Variants in SLC4A7 observed in about 807,000 individuals in gnomAD.
SLC4A7 encodes the protein sodium bicarbonate cotransporter 3.
SLC4A7 carries 51 observed loss-of-function variants against 137.6 expected under a neutral mutation model. The observed-to-expected ratio is 0.37, with a 90% confidence interval of 0.30 to 0.47. The LOEUF is 0.47. Ranked by LOEUF, SLC4A7 falls within the 20% of genes least tolerant of loss-of-function variation. The probability of loss-of-function intolerance (pLI) is 1.00; values close to 1 mark genes in which losing one functional copy is unlikely to be tolerated. For missense variants in SLC4A7, 1,247 were observed against 1,525.4 expected (o/e 0.82, Z 3.04); for synonymous variants, 542 against 518.6 (o/e 1.05, Z -0.61).
intron 11 of SLC4A7, among the ~76,000 whole-genome samples, chr3:27,412,907 T>A (rs73046191): frequency 0.21 from 32,477 of 151,916 alleles, 3,554 homozygotes; most frequent in Non-Finnish European, 0.25. Flanking sequence ...TTAAACAACT[T>A]CCTCAGAAAA....
At chr3:27,423,780 C>A (rs913812437) in intron 8 of SLC4A7, 1 of 351,790 alleles carries the variant, frequency 2.8e-6, no homozygotes, top group Admixed American at 4.7e-5. Context: ...ATGGAAATAT[C>A]GTATTATTCA....
At chr3:27,391,638 A>G (rs1393237898) in intron 21 of SLC4A7, 102 bp downstream of exon 21, 1 of 702,968 alleles carries the variant, frequency 1.4e-6, no homozygotes, top group Non-Finnish European at 2.4e-6. Flanking sequence ...CTCCCCTCAA[A>G]ATGTCAGAGT....
intron 1 of SLC4A7, among the ~76,000 whole-genome samples, chr3:27,472,821 T>C (rs1440968853): frequency 6.6e-6 from 1 of 152,242 alleles, no homozygotes; most frequent in African/African-American, 2.4e-5. Context: ...GGCTCATGCC[T>C]ATAATCCCAG....
At chr3:27,475,305 T>C (rs1159132812) in intron 1 of SLC4A7, among the ~76,000 whole-genome samples, 1 of 151,200 alleles carries the variant, frequency 6.6e-6, no homozygotes, top group South Asian at 2.1e-4. Context: ...ACATTTAGCA[T>C]TTTATACACA....
chr3:27,440,016 A>G (rs992700282), intron 3 of SLC4A7, among the ~76,000 whole-genome samples: 1 of 152,204 alleles, frequency 6.6e-6, no homozygotes, highest in Admixed American at 6.5e-5. Context: ...ATTGTTAATG[A>G]CATTACTTAG....
intron 6 of SLC4A7, among the ~76,000 whole-genome samples, chr3:27,432,797 G>A (rs189153987): frequency 8.5e-5 from 13 of 152,256 alleles, no homozygotes; most frequent in East Asian, 7.7e-4. Context: ...AACTGCATAC[G>A]AAGAGTAAAG....
chr3:27,420,693 T>C lies in SLC4A7; in HGVS notation c.1512+7A>G, dbSNP rs1485682475. On this transcript the variant is annotated splice_region_variant and intron_variant, in intron 10 of 25. Coordinates refer to ENST00000454389, the MANE Select transcript of SLC4A7 (RefSeq NM_001321103.2). ...TACTTCAAAGAGACTTGGAGTATTC[T>C]GATTACCTCATCTGTCATGAGAGTG... 2.5e-6 allele frequency: 4 copies of C among 1,583,234 alleles called. No individual in the cohort carries two copies.
intron 23 of SLC4A7, among the ~76,000 whole-genome samples, chr3:27,384,197 C>T (rs897010544): frequency 1.3e-5 from 2 of 152,082 alleles, no homozygotes; most frequent in African/African-American, 4.8e-5. Flanking sequence ...AAAACAAAAA[C>T]CCCTAAACTG....
chr3:27,436,763 T>G (rs1269492213), intron 4 of SLC4A7, among the ~76,000 whole-genome samples: 1 of 152,146 alleles, frequency 6.6e-6, no homozygotes, highest in Non-Finnish European at 1.5e-5. Context: ...GGTATCATAA[T>G]AATAAGCCTA....
intron 1 of SLC4A7, among the ~76,000 whole-genome samples, chr3:27,460,207 T>A (rs1215269355): frequency 6.6e-6 from 1 of 151,968 alleles, no homozygotes; most frequent in Non-Finnish European, 1.5e-5. Context: ...CTAATTTTTA[T>A]ATTTTAAGTA....
chr3:27,481,392 A>G (rs1434722284), intron 1 of SLC4A7, among the ~76,000 whole-genome samples: 1 of 152,010 alleles, frequency 6.6e-6, no homozygotes, highest in Non-Finnish European at 1.5e-5. Flanking sequence ...AACTGCCACC[A>G]ATCTATTCAA....
rs1407429419 is a variant in SLC4A7 at position 27,445,886 on chromosome 3, C to A, written c.289+2765G>T. 4.1e-5 allele frequency among the ~76,000 whole-genome samples: 5 copies of A among 120,674 alleles called. No homozygotes were observed. The East Asian group carries it at 1.4e-3, about 34-fold the overall frequency. 79.2% of individuals were successfully genotyped at this position (120,674 alleles called of 152,430 possible). ...GGCAGAGGTTGCAGTGAGCTGAGAT[C>A]GTGCCACCGCACTCCAGCCTGGGTG... is the stretch of plus-strand genomic sequence containing the variant. On this transcript the variant is annotated intron_variant, in intron 3 of 25. Transcript: ENST00000454389.
At chr3:27,402,905 C>A (rs896423113) in intron 15 of SLC4A7, among the ~76,000 whole-genome samples, 1 of 151,992 alleles carries the variant, frequency 6.6e-6, no homozygotes, top group Non-Finnish European at 1.5e-5. Flanking sequence ...CCAAAACATA[C>A]ACATGTGAAT....
chr3:27,441,859 G>A (rs1426642215), intron 3 of SLC4A7, among the ~76,000 whole-genome samples: 1 of 151,140 alleles, frequency 6.6e-6, no homozygotes, highest in African/African-American at 2.4e-5. Context: ...TATCAATTTA[G>A]TTGCCACAAA....
At chr3:27,414,519 C>T (rs2054203497) in intron 11 of SLC4A7, among the ~76,000 whole-genome samples, 1 of 151,934 alleles carries the variant, frequency 6.6e-6, no homozygotes, top group Non-Finnish European at 1.5e-5. Context: ...AATGGAAATA[C>T]ATCATAATTT....
At chr3:27,449,206 G>A (rs528403323) in intron 2 of SLC4A7, among the ~76,000 whole-genome samples, 1 of 151,750 alleles carries the variant, frequency 6.6e-6, no homozygotes, top group Non-Finnish European at 1.5e-5. Flanking sequence ...GGCCTAAAAA[G>A]ATATCTTAAG....
chr3:27,396,829 A>C (rs951358025), intron 18 of SLC4A7, among the ~76,000 whole-genome samples: 6 of 152,202 alleles, frequency 3.9e-5, no homozygotes, highest in African/African-American at 1.4e-4. Context: ...GAGCAGAAGG[A>C]AAATGAATAT....
intron 1 of SLC4A7, chr3:27,456,893 C>T: frequency 4.4e-6 from 6 of 1,356,976 alleles, no homozygotes; most frequent in Non-Finnish European, 5.7e-6. Context: ...CACAGCATAA[C>T]AGATTTGGAA....
intron 1 of SLC4A7, among the ~76,000 whole-genome samples, chr3:27,481,583 C>T (rs1336377047): frequency 6.6e-6 from 1 of 152,208 alleles, no homozygotes; most frequent in Non-Finnish European, 1.5e-5. Context: ...ATTTTATCAA[C>T]GCCAATAGTT....
Sources: allele counts gnomAD v4.1 joint callset (sites outside exome capture counted in the v4.1 genomes callset), GRCh38; gene constraint gnomAD v4.1.1; transcripts MANE v1.5; gene names NCBI Gene and HGNC (gene_info 2026-07-23, HGNC 2026-07-21).